The following PLXNA4 variants were observed in gnomAD, a reference collection of about 807,000 sequenced individuals.
The protein encoded by PLXNA4 is plexin A4, also known as plexin-A4.
PLXNA4 carries 44 observed loss-of-function variants against 191.8 expected under a neutral mutation model. That is an observed-to-expected ratio of 0.23 (90% CI 0.18 to 0.29). The LOEUF (loss-of-function observed/expected upper bound fraction) is 0.29. Among genes scored for constraint, PLXNA4 ranks in the 10% least tolerant of loss-of-function variants. The probability of loss-of-function intolerance (pLI) is 1.00; values close to 1 mark genes in which losing one functional copy is unlikely to be tolerated. For synonymous variants in PLXNA4, 1,082 were observed against 1,009.5 expected (o/e 1.07, Z -1.36); for missense variants, 1,800 against 2,488.8 (o/e 0.72, Z 5.89).
chr7:132,536,587 T>A (rs1475355013), intron 1 of PLXNA4, among the ~76,000 whole-genome samples: 2 of 152,194 alleles, frequency 1.3e-5, no homozygotes, highest in East Asian at 3.9e-4. Flanking sequence ...AGATATAGGC[T>A]GATCTACCAG....
intron 8 of PLXNA4, among the ~76,000 whole-genome samples, chr7:132,225,125 C>G (rs1273905386): frequency 2.0e-5 from 3 of 152,272 alleles, no homozygotes; most frequent in Non-Finnish European, 2.9e-5. Flanking sequence ...CACCTACTTT[C>G]AGTTTAAGAT....
intron 3 of PLXNA4, among the ~76,000 whole-genome samples, chr7:132,326,641 C>T (rs935695867): frequency 1.3e-5 from 2 of 152,182 alleles, no homozygotes; most frequent in Admixed American, 6.5e-5. Context: ...CGGCCTTGCA[C>T]CCCCATGGCA....
At chr7:132,246,768 AATCATCATCATCATCATCATCATC>A (rs34617807) in intron 4 of PLXNA4, among the ~76,000 whole-genome samples, 1 of 149,880 alleles carries the variant, frequency 6.7e-6, no homozygotes. Flanking sequence ...TTGTACATGC[AATCATCATCATCATCATCATCATC>A]ATCATCATCA....
At chr7:132,536,238 G>A (rs975035356) in intron 1 of PLXNA4, among the ~76,000 whole-genome samples, 4 of 152,172 alleles carry the variant, frequency 2.6e-5, no homozygotes, top group African/African-American at 9.7e-5. Context: ...GGTTATTATT[G>A]CCATCATGAC....
At chr7:132,230,788 C>T (rs1798499477) in intron 5 of PLXNA4, among the ~76,000 whole-genome samples, 1 of 152,160 alleles carries the variant, frequency 6.6e-6, no homozygotes, top group African/African-American at 2.4e-5. Flanking sequence ...CTTTGAAGTT[C>T]CTATTTCTAA....
chr7:132,386,436 C>T (rs1805144424), intron 3 of PLXNA4, among the ~76,000 whole-genome samples: 1 of 152,208 alleles, frequency 6.6e-6, no homozygotes, highest in Non-Finnish European at 1.5e-5. Context: ...CAGCCCTCCC[C>T]TGTGGGCATG....
chr7:132,157,180 A>C (rs766050802), intron 25 of PLXNA4, among the ~76,000 whole-genome samples: 2 of 152,186 alleles, frequency 1.3e-5, no homozygotes, highest in Non-Finnish European at 2.9e-5. Flanking sequence ...CATGGTGAGC[A>C]CTGGAGACCT....
chr7:132,558,760 C>T (rs1800906783), intron 1 of PLXNA4, among the ~76,000 whole-genome samples: 1 of 152,232 alleles, frequency 6.6e-6, no homozygotes, highest in African/African-American at 2.4e-5. Flanking sequence ...CCTTTGCCTG[C>T]TTTCTTAGAT....
chr7:132,195,924 C>G (rs1213786309), intron 13 of PLXNA4, among the ~76,000 whole-genome samples: 2 of 152,140 alleles, frequency 1.3e-5, no homozygotes, highest in African/African-American at 4.8e-5. Context: ...TTTACGGCTT[C>G]TATGTTTTAT....
At chr7:132,294,567 G>C (rs994471614) in intron 4 of PLXNA4, among the ~76,000 whole-genome samples, 2 of 152,178 alleles carry the variant, frequency 1.3e-5, no homozygotes, top group Non-Finnish European at 2.9e-5. Context: ...AGTAGTTGGA[G>C]GGCTATTGCA....
intron 1 of PLXNA4, among the ~76,000 whole-genome samples, chr7:132,532,089 G>C (rs1235908695): frequency 3.9e-5 from 6 of 152,164 alleles, no homozygotes; most frequent in Non-Finnish European, 8.8e-5. Context: ...ATGCTTCCAG[G>C]TGTCAACTTG....
At chr7:132,219,406 A>G (rs748134059) in intron 9 of PLXNA4, among the ~76,000 whole-genome samples, 9 of 152,216 alleles carry the variant, frequency 5.9e-5, no homozygotes, top group Non-Finnish European at 1.3e-4. Context: ...ACAATGACAG[A>G]ACTTTAGAGA....
At chr7:132,222,758 C>A (rs948368631) in intron 9 of PLXNA4, among the ~76,000 whole-genome samples, 3 of 152,210 alleles carry the variant, frequency 2.0e-5, no homozygotes, top group Non-Finnish European at 1.5e-5. Flanking sequence ...AGACAGGTAA[C>A]AGCATAGGCA....
chr7:132,581,083 T>C (rs1802394125), upstream of PLXNA4, among the ~76,000 whole-genome samples: 1 of 152,194 alleles, frequency 6.6e-6, no homozygotes, highest in African/African-American at 2.4e-5. Flanking sequence ...AATGCTGCCA[T>C]TTCGAGGGAT....
At position 132,278,906 on chromosome 7, in the gene PLXNA4, A is replaced by G. The variant is rs993247136; in HGVS notation, c.1503+19185T>C. 5.3e-5 allele frequency among the ~76,000 whole-genome samples: 8 copies of G among 152,330 alleles called. No individual in the cohort carries two copies. In the East Asian group the frequency reaches 9.7e-4, roughly 18 times the overall value. ...TGTTTAGCTCCCAAGGAGAGAAAAGAAACTTTCACACGTCAGGGCTTCAGG... is the reference window on the plus strand; with the variant it reads ...TGTTTAGCTCCCAAGGAGAGAAAAGGAACTTTCACACGTCAGGGCTTCAGG... On this transcript the variant is annotated intron_variant, in intron 4 of 31. Coordinates refer to ENST00000321063, the MANE Select transcript of PLXNA4 (RefSeq NM_020911.2).
chr7:132,344,394 T>C (rs1474410655), intron 3 of PLXNA4, among the ~76,000 whole-genome samples: 1 of 152,174 alleles, frequency 6.6e-6, no homozygotes, highest in Admixed American at 6.5e-5. Flanking sequence ...ACAGAAAAAC[T>C]TTGAGCTCCC....
At chr7:132,518,830 C>T (rs1025969301) in intron 1 of PLXNA4, among the ~76,000 whole-genome samples, 1 of 151,986 alleles carries the variant, frequency 6.6e-6, no homozygotes, top group Non-Finnish European at 1.5e-5. Context: ...ATGGTTTCCA[C>T]GCCCTCCTTC....
At chr7:132,638,316 T>C (rs562847610) in intron 2 of PLXNA4, among the ~76,000 whole-genome samples, 1 of 152,258 alleles carries the variant, frequency 6.6e-6, no homozygotes, top group African/African-American at 2.4e-5. Flanking sequence ...CCTAGGATGG[T>C]TGGAAGACTA....
chr7:132,475,995 G>A (rs1490523203), intron 3 of PLXNA4, among the ~76,000 whole-genome samples: 1 of 152,186 alleles, frequency 6.6e-6, no homozygotes, highest in Non-Finnish European at 1.5e-5. Context: ...AGCCCAGCGG[G>A]AGCAGCCCCA....
Sources: gnomAD v4.1 joint callset for allele counts (sites outside exome capture counted in the v4.1 genomes callset) on GRCh38, gnomAD v4.1.1 for gene constraint, MANE v1.5 for transcripts, NCBI Gene and HGNC (gene_info 2026-07-23, HGNC 2026-07-21) for gene names.